The following RRAGA variants were observed in gnomAD, a reference collection of about 807,000 sequenced individuals.
RRAGA encodes the protein Ras related GTP binding A.
Under a neutral mutation model 20.5 loss-of-function variants are expected in RRAGA, and 11 were observed. That is an observed-to-expected ratio of 0.54 (90% confidence interval 0.34 to 0.89). RRAGA has a LOEUF of 0.89. RRAGA is among the 40% of genes least tolerant of loss of function. RRAGA has a pLI of 0.02. For synonymous variants in RRAGA, 184 were observed against 155.4 expected, an observed-to-expected ratio of 1.18 and a Z score of -1.37; for missense variants, 214 against 400.7, an observed-to-expected ratio of 0.53 and a Z score of 3.98.
rs1014878632 is a variant in RRAGA, at chr9:19,049,440, C to G, written c.-220C>G. On this transcript the variant is annotated 5_prime_UTR_variant, in exon 1 of 1. Transcript: ENST00000380527. The surrounding 1 kb of genome is among the most constrained non-coding windows in gnomAD (Gnocchi z 5.4). ...CGGAAAGCGAGCGTATCTCCCGAGC[C>G]GTTGCCACTGACAGCCGCGGGCGCT... 8 of 447,688 alleles carry G rather than the reference C, an allele frequency of 1.8e-5. No individual in the cohort carries two copies. Among genetic ancestry groups the G allele is most frequent in the Admixed American group, 1.7e-4 (4 of 23,298 alleles). The allele number at this position is 447,688 out of a possible 1,614,324, so 27.7% of individuals were successfully genotyped here.
At position 19,050,481 on chromosome 9, in the gene RRAGA, G is replaced by T. The variant is rs1487503050; in HGVS notation, c.822G>T (p.Val274=). 6.2e-7 allele frequency: 1 copy of T among 1,614,110 alleles called. No homozygotes were observed. The change falls in exon 1 of 1, where the codon GTG becomes GTT. Residue 274 remains valine (V), a synonymous_variant. Transcript: ENST00000380527. ...DIFTSNTYVM[V]VMSDPSIPSA... ...TCACCTCAAATACGTACGTGATGGTGGTCATGTCAGATCCGTCGATCCCTT... is the reference window on the plus strand; with the variant it reads ...TCACCTCAAATACGTACGTGATGGTTGTCATGTCAGATCCGTCGATCCCTT...
Position 19,050,101 on chromosome 9 carries a change from C to T in RRAGA, c.442C>T (p.Leu148=). ...GATTTTTAAAGAGCGAGAGGAAGAC[C>T]TGAGGCGTCTGTCTCGCCCGCTGGA... ...DLIFKEREED[L]RRLSRPLECA... Residue 148 remains leucine, a synonymous_variant, in exon 1 of 1, where the codon CTG becomes TTG. Coordinates refer to ENST00000380527, the MANE Select transcript of RRAGA (RefSeq NM_006570.5). 3 of 1,614,056 alleles carry T rather than the reference C, an allele frequency of 1.9e-6. No homozygotes were observed. The highest frequency in any genetic ancestry group is 1.3e-5 in the African/African-American group (1 of 75,002).
rs746755683 is a variant in RRAGA, at chr9:19,049,650, C to T, written c.-10C>T. On this transcript the variant is annotated 5_prime_UTR_variant, in exon 1 of 1. Transcript: ENST00000380527. The surrounding 1 kb of genome is among the most constrained non-coding windows in gnomAD (Gnocchi z 5.4). ...GCCCTCAGGCCCAGTCCGCGGTGCC[C>T]CGGCGGGTGATGCCAAATACAGCCA... The T allele has an allele frequency of 4.4e-6, 7 of 1,601,930 alleles. No homozygotes were observed. Among genetic ancestry groups the T allele is most frequent in the Admixed American group, 3.4e-5 (2 of 58,908 alleles).
At position 19,049,954 on chromosome 9, in the gene RRAGA, C is replaced by A. The variant is rs1468288846; in HGVS notation, c.295C>A (p.Leu99Met). 1.2e-6 allele frequency: 2 copies of A among 1,614,170 alleles called. No individual in the cohort carries two copies. Among genetic ancestry groups the A allele is most frequent in the Non-Finnish European group, 1.7e-6 (2 of 1,180,034 alleles). ...IYVFDVESRE[L>M]EKDMHYYQSC... The stretch of plus-strand genomic sequence containing the variant: ...CGTGTTTGACGTGGAGAGCCGCGAA[C>A]TGGAAAAGGACATGCATTATTACCA... The change falls in exon 1 of 1, where the codon CTG becomes ATG. Residue 99 changes from leucine (L) to methionine (M), a missense_variant. Around this residue, in one of 4 missense-constraint regions of RRAGA, gnomAD observed 40 missense variants for 130.1 expected, o/e 0.31. Coordinates refer to ENST00000380527, the MANE Select transcript of RRAGA (RefSeq NM_006570.5). This position sits in a 1 kb window ranked among gnomAD's most constrained non-coding sequence, Gnocchi z 5.4.
Position 19,050,594 on chromosome 9 carries a change from T to C in RRAGA, c.935T>C (p.Met312Thr), listed in dbSNP as rs775213438. 1.2e-6 allele frequency: 2 copies of C among 1,611,832 alleles called. No individual in the cohort carries two copies. Among genetic ancestry groups the C allele is most frequent in the Non-Finnish European group, 1.7e-6 (2 of 1,178,166 alleles). Residue 312 changes from methionine to threonine, a missense_variant, in exon 1 of 1, where the codon ATG (methionine) becomes ACG (threonine). Met to Thr is a moderately conservative substitution (Grantham distance 81). Around this residue, in one of 4 missense-constraint regions of RRAGA, gnomAD observed 68 missense variants for 83.9 expected, o/e 0.81. Transcript: ENST00000380527. ...RVDGPKHSLL[M>T]R is the part of the protein sequence containing the mutation. ...GATGGCCCCAAGCACAGTCTCCTTA[T>C]GCGTTGAATATTGCCAAATGCTCTT...
Position 19,050,103 on chromosome 9 carries a change from G to C in RRAGA, c.444G>C (p.Leu148=), listed in dbSNP as rs60279941. 6.5e-4 allele frequency: 1,054 copies of C among 1,614,108 alleles called. 5 individuals carry two copies. In the African/African-American group the frequency reaches 0.013, roughly 19 times the overall value. ...TTTTTAAAGAGCGAGAGGAAGACCT[G>C]AGGCGTCTGTCTCGCCCGCTGGAGT... The part of the protein sequence containing the change: ...DLIFKEREED[L]RRLSRPLECA... Residue 148 remains leucine (L), a synonymous_variant, in exon 1 of 1, where the codon CTG becomes CTC. Transcript: ENST00000380527.
Position 19,049,569 on chromosome 9 carries a change from G to A in RRAGA, c.-91G>A, listed in dbSNP as rs1588584783. ...TGCGCGGCGGAGCGGAGCGAGGCGC[G>A]GCCTGCGAGTCCCCGGCAGCCCCCG... On this transcript the variant is annotated 5_prime_UTR_variant, in exon 1 of 1. Coordinates refer to ENST00000380527, the MANE Select transcript of RRAGA (RefSeq NM_006570.5). This position sits in a 1 kb window ranked among gnomAD's most constrained non-coding sequence, Gnocchi z 5.4. 13 of 942,220 alleles carry A rather than the reference G, an allele frequency of 1.4e-5. No individual in the cohort carries two copies. In the East Asian group the frequency reaches 2.7e-4, roughly 20 times the overall value. 58.4% of individuals were successfully genotyped at this position (942,220 alleles called of 1,614,324 possible).
Position 19,050,461 on chromosome 9 carries a change from T to C in RRAGA, c.802T>C (p.Ser268Pro). The change falls in exon 1 of 1, where the codon TCA becomes CCA. Residue 268 changes from serine (S) to proline (P), a missense_variant. Coordinates refer to ENST00000380527, the MANE Select transcript of RRAGA (RefSeq NM_006570.5). ...NFAAFIDIFT[S>P]NTYVMVVMSD... is the part of the protein sequence containing the mutation. ...CGCTGCTTTCATCGACATCTTCACC[T>C]CAAATACGTACGTGATGGTGGTCAT... The C allele has an allele frequency of 1.2e-6, 2 of 1,614,064 alleles. No homozygotes were observed. Among genetic ancestry groups the C allele is most frequent in the Non-Finnish European group, 1.7e-6 (2 of 1,180,010 alleles).
rs1234120032 is a variant in RRAGA, at chr9:19,050,759, TG to T, written c.*160del. 1.4e-5 allele frequency: 10 copies of T among 719,300 alleles called. No homozygotes were observed. Among genetic ancestry groups the T allele is most frequent in the Non-Finnish European group, 2.1e-5 (9 of 434,836 alleles). 44.6% of individuals were successfully genotyped at this position (719,300 alleles called of 1,614,324 possible). A position where few individuals can be genotyped will look rare whatever the true frequency, so the allele number is the denominator to read the frequency against. On this transcript the variant is annotated 3_prime_UTR_variant, in exon 1 of 1. Coordinates refer to ENST00000380527, the MANE Select transcript of RRAGA (RefSeq NM_006570.5). ...CCCCGCTTCCCCAGTCTTTAAACAT[TG>T]GACGCTATTTACTCAGCTACCCAGT...
chr9:19,050,292 CTTGG>C lies in RRAGA; in HGVS notation c.636_639del (p.Val213PhefsTer27). 1 of 1,614,168 alleles carries C rather than the reference CTTGG, an allele frequency of 6.2e-7. No individual in the cohort carries two copies. The highest frequency in any genetic ancestry group is 8.5e-7 in the Non-Finnish European group (1 of 1,180,038). Reference sequence around the variant, plus strand: ...TTCTGCTGTTCGAAAGAGCTACATTCTTGGTTATTTCCCACTACCAGTGCAAAGA... The same window carrying C: ...TTCTGCTGTTCGAAAGAGCTACATTCTTATTTCCCACTACCAGTGCAAAGA... On this transcript the variant is annotated frameshift_variant, in exon 1 of 1. Transcript: ENST00000380527. LOFTEE classifies it high-confidence loss of function.
At position 19,050,217 on chromosome 9, in the gene RRAGA, G is replaced by A. The variant is rs768984497; in HGVS notation, c.558G>A (p.Gln186=). 1 of 1,614,086 alleles carries A rather than the reference G, an allele frequency of 6.2e-7. No homozygotes were observed. The highest frequency in any genetic ancestry group is 1.1e-5 in the South Asian group (1 of 91,080). ...ACCAGCTGATTCCCAACGTTCAGCA[G>A]CTGGAGATGAACCTCAGGAATTTTG... is the stretch of plus-strand genomic sequence containing the variant. ...IVYQLIPNVQ[Q]LEMNLRNFAQ... Residue 186 remains glutamine, a synonymous_variant, in exon 1 of 1, where the codon CAG becomes CAA. Transcript: ENST00000380527.
Position 19,049,654 on chromosome 9 carries a change from C to G in RRAGA, c.-6C>G, listed in dbSNP as rs537438405. 37 of 1,604,088 alleles carry G rather than the reference C, an allele frequency of 2.3e-5. No homozygotes were observed. The East Asian group carries it at 7.9e-4, about 34-fold the overall frequency. ...TCAGGCCCAGTCCGCGGTGCCCCGG[C>G]GGGTGATGCCAAATACAGCCATGAA... On this transcript the variant is annotated 5_prime_UTR_variant, in exon 1 of 1. Coordinates refer to ENST00000380527, the MANE Select transcript of RRAGA (RefSeq NM_006570.5). The surrounding 1 kb of genome is among the most constrained non-coding windows in gnomAD (Gnocchi z 5.4).
At position 19,050,273 on chromosome 9, in the gene RRAGA, T is replaced by C; in HGVS notation, c.614T>C (p.Leu205Pro). 6.2e-7 allele frequency: 1 copy of C among 1,614,184 alleles called. No homozygotes were observed. The highest frequency in any genetic ancestry group is 1.3e-5 in the African/African-American group (1 of 75,054). ...AQIIEADEVLLFERATFLVIS... is the reference protein window; with the variant it reads ...AQIIEADEVLPFERATFLVIS... The stretch of plus-strand genomic sequence containing the variant: ...ATCATTGAGGCCGATGAAGTTCTGC[T>C]GTTCGAAAGAGCTACATTCTTGGTT... The change falls in exon 1 of 1, where the codon CTG becomes CCG. Residue 205 changes from leucine (L) to proline (P), a missense_variant. This residue lies in a region of RRAGA where 88 missense variants were observed against 169.9 expected (regional missense o/e 0.52). Transcript: ENST00000380527.
At position 19,050,229 on chromosome 9, in the gene RRAGA, C is replaced by A; in HGVS notation, c.570C>A (p.Asn190Lys). 1 of 1,614,036 alleles carries A rather than the reference C, an allele frequency of 6.2e-7. No individual in the cohort carries two copies. The highest frequency in any genetic ancestry group is 8.5e-7 in the Non-Finnish European group (1 of 1,180,022). ...CCAACGTTCAGCAGCTGGAGATGAA[C>A]CTCAGGAATTTTGCCCAAATCATTG... ...LIPNVQQLEM[N>K]LRNFAQIIEA... Residue 190 changes from asparagine (N) to lysine (K), a missense_variant, in exon 1 of 1, where the codon AAC (asparagine) becomes AAA (lysine). This residue lies in a region of RRAGA where 88 missense variants were observed against 169.9 expected (regional missense o/e 0.52). Transcript: ENST00000380527.
In RRAGA at chr9:19,049,767, C is replaced by A; in HGVS notation, c.108C>A (p.Thr36=). 1 of 1,614,070 alleles carries A rather than the reference C, an allele frequency of 6.2e-7. No homozygotes were observed. The highest frequency in any genetic ancestry group is 8.5e-7 in the Non-Finnish European group (1 of 1,180,000). The change falls in exon 1 of 1, where the codon ACC becomes ACA. Residue 36 remains threonine, a synonymous_variant. Coordinates refer to ENST00000380527, the MANE Select transcript of RRAGA (RefSeq NM_006570.5). The surrounding 1 kb of genome is among the most constrained non-coding windows in gnomAD (Gnocchi z 5.4). ...TCGCCAATTACATTGCTCGCGACAC[C>A]CGGCGCCTGGGGGCCACCATTGACG... ...IIFANYIARD[T]RRLGATIDVE...
Position 19,050,790 on chromosome 9 carries a change from C to A in RRAGA, c.*189C>A. On this transcript the variant is annotated 3_prime_UTR_variant, in exon 1 of 1. Transcript: ENST00000380527. Reference sequence around the variant, plus strand: ...CTATTTACTCAGCTACCCAGTAGAGCTTGAAGCTGACCTTTCTGAGAAGTT... The same window carrying A: ...CTATTTACTCAGCTACCCAGTAGAGATTGAAGCTGACCTTTCTGAGAAGTT... The A allele has an allele frequency of 1.6e-6, 1 of 620,262 alleles. No homozygotes were observed. The allele number at this position is 620,262 out of a possible 1,614,324, so 38.4% of individuals were successfully genotyped here. A position where few individuals can be genotyped will look rare whatever the true frequency, so the allele number is the denominator to read the frequency against.
chr9:19,049,522 T>C lies in RRAGA; in HGVS notation c.-138T>C, dbSNP rs924238956. On this transcript the variant is annotated 5_prime_UTR_variant, in exon 1 of 1. Transcript: ENST00000380527. This position sits in a 1 kb window ranked among gnomAD's most constrained non-coding sequence, Gnocchi z 5.4. ...CCTCTCCAGCCCCGGGTTCGCGCTC[T>C]CGACTCTCCTGCCTGCCCAGCTGCG... The C allele has an allele frequency of 6.1e-6, 4 of 656,454 alleles. No individual in the cohort carries two copies. The East Asian group carries it at 1.2e-4, about 20-fold the overall frequency. 40.7% of individuals were successfully genotyped at this position (656,454 alleles called of 1,614,324 possible). A position where few individuals can be genotyped will look rare whatever the true frequency, so the allele number is the denominator to read the frequency against.
Position 19,049,516 on chromosome 9 carries a change from G to C in RRAGA, c.-144G>C, listed in dbSNP as rs1398696700. On this transcript the variant is annotated 5_prime_UTR_variant, in exon 1 of 1. Coordinates refer to ENST00000380527, the MANE Select transcript of RRAGA (RefSeq NM_006570.5). The surrounding 1 kb of genome is among the most constrained non-coding windows in gnomAD (Gnocchi z 5.4). ...CCGCGGCCTCTCCAGCCCCGGGTTCGCGCTCTCGACTCTCCTGCCTGCCCA... is the reference window on the plus strand; with the variant it reads ...CCGCGGCCTCTCCAGCCCCGGGTTCCCGCTCTCGACTCTCCTGCCTGCCCA... 1.6e-6 allele frequency: 1 copy of C among 625,336 alleles called. No homozygotes were observed. Among genetic ancestry groups the C allele is most frequent in the Non-Finnish European group, 2.6e-6 (1 of 379,082 alleles). 38.7% of individuals were successfully genotyped at this position (625,336 alleles called of 1,614,324 possible).
In RRAGA at chr9:19,049,583, C is replaced by G. The variant is rs1836308141; in HGVS notation, c.-77C>G. On this transcript the variant is annotated 5_prime_UTR_variant, in exon 1 of 1. Transcript: ENST00000380527. This position sits in a 1 kb window ranked among gnomAD's most constrained non-coding sequence, Gnocchi z 5.4. ...GAGCGAGGCGCGGCCTGCGAGTCCC[C>G]GGCAGCCCCCGACCCCTCCCTCGGC... The G allele has an allele frequency of 5.4e-6, 6 of 1,117,034 alleles. No individual in the cohort carries two copies. The East Asian group carries it at 1.6e-4, about 29-fold the overall frequency. The allele number at this position is 1,117,034 out of a possible 1,614,324, so 69.2% of individuals were successfully genotyped here.
Sources: gnomAD v4.1 joint callset for allele counts on GRCh38, gnomAD v4.1.1 for gene constraint, gnomAD v4.1.1 regional missense constraint, Gnocchi (gnomAD v3.1) non-coding constraint, MANE v1.5 for transcripts, NCBI Gene and HGNC (gene_info 2026-07-23, HGNC 2026-07-21) for gene names.